The following ZBBX variants were observed in gnomAD, a reference collection of about 807,000 sequenced individuals.
The protein encoded by ZBBX is zinc finger B-box domain-containing protein 1.
Under a neutral mutation model 108.5 loss-of-function variants are expected in ZBBX, and 101 were observed. The ratio of observed to expected loss-of-function variants is 0.93; its 90% CI spans 0.79 to 1.10. ZBBX has a LOEUF of 1.10. Among genes scored for constraint, ZBBX ranks in the 50% least tolerant of loss-of-function variants. The pLI is 0.00. For missense variants in ZBBX, 1,009 were observed against 941.4 expected, an observed-to-expected ratio of 1.07 and a Z score of -0.94; for synonymous variants, 356 against 323.4, an observed-to-expected ratio of 1.10 and a Z score of -1.08.
chr3:167,192,467 G>A, the ZBBX span, among the ~76,000 whole-genome samples: 2 of 152,120 alleles, frequency 1.3e-5, no homozygotes, highest in Non-Finnish European at 2.9e-5. Context: ...CTCCTGGCCT[G>A]TATAGTTTCT....
intron 20 of ZBBX, among the ~76,000 whole-genome samples, chr3:167,271,106 C>T (rs979224305): frequency 6.6e-6 from 1 of 152,198 alleles, no homozygotes; most frequent in Non-Finnish European, 1.5e-5. Context: ...GTTGTTTGCA[C>T]TCATCCAAGC....
intron 17 of ZBBX, among the ~76,000 whole-genome samples, chr3:167,305,413 T>C (rs887772431): frequency 3.3e-5 from 5 of 152,148 alleles, no homozygotes; most frequent in African/African-American, 1.2e-4. Context: ...TAAAGTATCA[T>C]TTATCACAGA....
the ZBBX span, among the ~76,000 whole-genome samples, chr3:167,182,320 AG>A: frequency 6.6e-6 from 1 of 152,184 alleles, no homozygotes; most frequent in Admixed American, 6.5e-5. Flanking sequence ...TAGGTGGCAG[AG>A]CAACCTGGCA....
chr3:167,389,144 A>T (rs1263602183), intron 1 of ZBBX, among the ~76,000 whole-genome samples: 1 of 151,960 alleles, frequency 6.6e-6, no homozygotes, highest in Non-Finnish European at 1.5e-5. Flanking sequence ...CGACCACCTG[A>T]CAGGCCTCAG....
chr3:167,309,371 G>A (rs1293841267), intron 16 of ZBBX, among the ~76,000 whole-genome samples: 2 of 152,158 alleles, frequency 1.3e-5, no homozygotes, highest in African/African-American at 4.8e-5. Context: ...TCTGTGTGGG[G>A]GCTCCTACCA....
intron 20 of ZBBX, among the ~76,000 whole-genome samples, chr3:167,248,879 T>C (rs781177518): frequency 1.8e-4 from 27 of 152,324 alleles, no homozygotes; most frequent in Non-Finnish European, 2.9e-4. Context: ...CGTGGGTACA[T>C]ACTGCATCAG....
intron 1 of ZBBX, among the ~76,000 whole-genome samples, chr3:167,406,665 C>T (rs1457168628): frequency 6.6e-6 from 1 of 151,864 alleles, no homozygotes; most frequent in African/African-American, 2.4e-5. Flanking sequence ...AGAATAATTC[C>T]CTGTTTGAAC....
chr3:167,307,706 A>G (rs1733891016), intron 16 of ZBBX, among the ~76,000 whole-genome samples: 1 of 152,188 alleles, frequency 6.6e-6, no homozygotes. Context: ...AAAAACAAGC[A>G]ATGGGGAAAG....
At chr3:167,182,527 C>T in the ZBBX span, among the ~76,000 whole-genome samples, 1 of 152,178 alleles carries the variant, frequency 6.6e-6, no homozygotes, top group Non-Finnish European at 1.5e-5. Flanking sequence ...CTCTAATGCA[C>T]ACTCCTCTAA....
Position 167,309,432 on chromosome 3 carries a change from C to T in ZBBX, c.1418-3482G>A, listed in dbSNP as rs73879660. On this transcript the variant is annotated intron_variant, in intron 16 of 21. Coordinates refer to ENST00000675490, the MANE Select transcript of ZBBX (RefSeq NM_001199201.2). ...GTAGAGGTTCTCCATGAGTGCTCTG[C>T]CTCTGCAACAGACTTCTACCTGGAC... is the stretch of plus-strand genomic sequence containing the variant. Among the ~76,000 whole-genome samples, 300 of 152,322 alleles carry T rather than the reference C, an allele frequency of 2.0e-3. 3 individuals are homozygous for T. Among genetic ancestry groups the T allele is most frequent in the African/African-American group, 6.7e-3 (277 of 41,578 alleles).
intron 1 of ZBBX, among the ~76,000 whole-genome samples, chr3:167,401,116 A>G (rs1406261519): frequency 6.6e-6 from 1 of 152,216 alleles, no homozygotes; most frequent in African/African-American, 2.4e-5. Flanking sequence ...GTCTTTTAGA[A>G]AATAAATCCA....
At chr3:167,179,497 G>T in the ZBBX span, among the ~76,000 whole-genome samples, 1 of 152,198 alleles carries the variant, frequency 6.6e-6, no homozygotes, top group East Asian at 1.9e-4. Flanking sequence ...TGTAAAAAGG[G>T]TGCATTCTAT....
At chr3:167,292,793 T>C (rs932595729) in intron 18 of ZBBX, among the ~76,000 whole-genome samples, 1 of 151,996 alleles carries the variant, frequency 6.6e-6, no homozygotes, top group African/African-American at 2.4e-5. Context: ...ACAAAGTAGA[T>C]AGACCACTAG....
the ZBBX span, among the ~76,000 whole-genome samples, chr3:167,229,826 T>C: frequency 6.6e-6 from 1 of 151,850 alleles, no homozygotes; most frequent in Non-Finnish European, 1.5e-5. Context: ...ATTTAAACAA[T>C]GTTTTTCAAG....
At chr3:167,328,584 G>C (rs528833301) in intron 10 of ZBBX, among the ~76,000 whole-genome samples, 1 of 151,822 alleles carries the variant, frequency 6.6e-6, no homozygotes, top group African/African-American at 2.4e-5. Context: ...GACCTACACC[G>C]CCCTACACAA....
At chr3:167,202,346 A>C in the ZBBX span, among the ~76,000 whole-genome samples, 2 of 152,180 alleles carry the variant, frequency 1.3e-5, no homozygotes, top group Non-Finnish European at 2.9e-5. Flanking sequence ...ATGTGTGTTA[A>C]ATCGCTGAGA....
chr3:167,187,951 A>G, the ZBBX span, among the ~76,000 whole-genome samples: 1 of 152,226 alleles, frequency 6.6e-6, no homozygotes, highest in African/African-American at 2.4e-5. Flanking sequence ...AATTGGTAGA[A>G]TGGCTTAAAC....
At chr3:167,348,212 AG>A (rs1741836578) in intron 9 of ZBBX, among the ~76,000 whole-genome samples, 1 of 51,482 alleles carries the variant, frequency 1.9e-5, no homozygotes, top group South Asian at 1.0e-3. Flanking sequence ...GAAGGAAGGA[AG>A]GAAGCAAGGG....
chr3:167,279,622 T>C (rs1341172106), intron 20 of ZBBX, among the ~76,000 whole-genome samples: 2 of 151,890 alleles, frequency 1.3e-5, no homozygotes, highest in Non-Finnish European at 2.9e-5. Flanking sequence ...GGAAGAACTT[T>C]CCATGCTCAT....
Sources: gnomAD v4.1 joint callset for allele counts (sites outside exome capture counted in the v4.1 genomes callset) on GRCh38, gnomAD v4.1.1 for gene constraint, MANE v1.5 for transcripts, NCBI Gene and HGNC (gene_info 2026-07-23, HGNC 2026-07-21) for gene names.